The following TBC1D32 variants were observed in gnomAD, a reference collection of about 807,000 sequenced individuals.
TBC1D32 encodes protein broad-minded.
Under a neutral mutation model 170.3 loss-of-function variants are expected in TBC1D32, and 151 were observed. The ratio of observed to expected loss-of-function variants is 0.89; its 90% CI spans 0.78 to 1.01. TBC1D32 has a LOEUF of 1.01. TBC1D32 is among the 50% of genes least tolerant of loss of function. The pLI is 0.00. For synonymous variants in TBC1D32, 498 were observed against 488.0 expected, an observed-to-expected ratio of 1.02 and a Z score of -0.27; for missense variants, 1,464 against 1,457.1, an observed-to-expected ratio of 1.00 and a Z score of -0.08.
At chr6:121,270,838 T>C (rs1801297486) in intron 15 of TBC1D32, among the ~76,000 whole-genome samples, 2 of 152,172 alleles carry the variant, frequency 1.3e-5, no homozygotes, top group South Asian at 4.1e-4. Context: ...ATATTCCTGA[T>C]GAACATCGAT....
chr6:121,149,787 T>G (rs1783971958), intron 24 of TBC1D32, among the ~76,000 whole-genome samples: 1 of 152,212 alleles, frequency 6.6e-6, no homozygotes, highest in Non-Finnish European at 1.5e-5. Context: ...TTTTTAGTTC[T>G]GTGAAGAAAG....
chr6:121,316,572 T>C (rs1056276830), intron 3 of TBC1D32, among the ~76,000 whole-genome samples: 3 of 152,142 alleles, frequency 2.0e-5, no homozygotes, highest in Admixed American at 1.3e-4. Context: ...GGTAATCAAT[T>C]TGACTTGTAA....
chr6:121,159,601 G>C (rs568454534), intron 24 of TBC1D32, among the ~76,000 whole-genome samples: 1 of 151,998 alleles, frequency 6.6e-6, no homozygotes, highest in African/African-American at 2.4e-5. Flanking sequence ...AACCTAGAGG[G>C]TATAGTCTAA....
Position 121,255,325 on chromosome 6 carries a change from T to C in TBC1D32, c.2018+3A>G. The C allele has an allele frequency of 6.5e-7, 1 of 1,541,350 alleles. No individual in the cohort carries two copies. Among genetic ancestry groups the C allele is most frequent in the South Asian group, 1.2e-5 (1 of 81,840 alleles). On this transcript the variant is annotated splice_donor_region_variant and intron_variant, in intron 17 of 31. Transcript: ENST00000398212. ...ATGCATGACTTTCATCAATTGTACT[T>C]ACATGTTTTGGGATTCCTGGCTTAC...
chr6:121,100,944 G>T (rs1353197591), intron 30 of TBC1D32, among the ~76,000 whole-genome samples: 1 of 151,528 alleles, frequency 6.6e-6, no homozygotes, highest in Non-Finnish European at 1.5e-5. Context: ...TACCATCAGA[G>T]AATACTATAA....
chr6:121,088,782 C>A (rs1327665439), intron 31 of TBC1D32, among the ~76,000 whole-genome samples: 1 of 152,102 alleles, frequency 6.6e-6, no homozygotes, highest in Non-Finnish European at 1.5e-5. Context: ...TAATTCCTTG[C>A]CTACATGTTC....
chr6:121,213,368 C>T (rs142259588), intron 21 of TBC1D32, among the ~76,000 whole-genome samples: 4,154 of 151,848 alleles, frequency 0.027, 153 homozygotes, highest in African/African-American at 0.088. Context: ...GATACAAAAT[C>T]AATGCACAAA....
At position 121,161,959 on chromosome 6, in the gene TBC1D32, T is replaced by C. The variant is rs547797026; in HGVS notation, c.2571-903A>G. Reference sequence around the variant, plus strand: ...TGATGTTAAACTTTTTTTCATATGTTTGTTGGCCACATGTATGTCTTCTTT... The same window carrying C: ...TGATGTTAAACTTTTTTTCATATGTCTGTTGGCCACATGTATGTCTTCTTT... On this transcript the variant is annotated intron_variant, in intron 22 of 31. Transcript: ENST00000398212. Among the ~76,000 whole-genome samples the C allele has an allele frequency of 3.9e-5, 6 of 152,354 alleles. No homozygotes were observed. In the East Asian group the frequency reaches 1.2e-3, roughly 29 times the overall value.
At chr6:121,170,455 C>G (rs1786815110) in intron 22 of TBC1D32, 2 of 1,607,702 alleles carry the variant, frequency 1.2e-6, no homozygotes, top group Non-Finnish European at 1.7e-6. Context: ...CATTTAGTAA[C>G]ATTTCAGATA....
At chr6:121,264,985 T>C (rs1800274394) in intron 15 of TBC1D32, among the ~76,000 whole-genome samples, 1 of 152,116 alleles carries the variant, frequency 6.6e-6, no homozygotes, top group Admixed American at 6.5e-5. Flanking sequence ...CTAGAAGCAC[T>C]CCCTTTCAAA....
chr6:121,206,478 C>T (rs529032967), intron 21 of TBC1D32, among the ~76,000 whole-genome samples: 1 of 151,916 alleles, frequency 6.6e-6, no homozygotes, highest in African/African-American at 2.4e-5. Context: ...GGTACAAAGA[C>T]TATTTCATCA....
chr6:121,305,093 G>A (rs1251827926), intron 5 of TBC1D32, among the ~76,000 whole-genome samples: 1 of 152,102 alleles, frequency 6.6e-6, no homozygotes, highest in African/African-American at 2.4e-5. Flanking sequence ...ACATGGTGAG[G>A]AGGGGGTAAG....
intron 24 of TBC1D32, among the ~76,000 whole-genome samples, chr6:121,147,451 C>T (rs1330025072): frequency 6.6e-6 from 1 of 152,052 alleles, no homozygotes; most frequent in Non-Finnish European, 1.5e-5. Flanking sequence ...TGTAAGTGTT[C>T]TCTTTTCTCG....
intron 17 of TBC1D32, among the ~76,000 whole-genome samples, chr6:121,249,729 A>C (rs763361129): frequency 3.3e-5 from 5 of 151,976 alleles, no homozygotes; most frequent in Non-Finnish European, 7.4e-5. Flanking sequence ...GCTAAAAAAC[A>C]AAAACAAAAA....
At chr6:121,159,256 G>A (rs1785297374) in intron 24 of TBC1D32, among the ~76,000 whole-genome samples, 1 of 152,108 alleles carries the variant, frequency 6.6e-6, no homozygotes. Context: ...CATTCTGTAA[G>A]AGTTCATGAC....
intron 22 of TBC1D32, among the ~76,000 whole-genome samples, chr6:121,201,939 C>T (rs934727667): frequency 2.7e-5 from 4 of 150,808 alleles, no homozygotes; most frequent in South Asian, 2.1e-4. Flanking sequence ...ATTAAAGAGA[C>T]GGTTGGGTCA....
chr6:121,253,890 T>G (rs1475870053), intron 17 of TBC1D32, among the ~76,000 whole-genome samples: 1 of 152,066 alleles, frequency 6.6e-6, no homozygotes, highest in African/African-American at 2.4e-5. Flanking sequence ...ACTGGGTATC[T>G]CACTCAAAGG....
chr6:121,123,912 C>T (rs764056502), intron 26 of TBC1D32, among the ~76,000 whole-genome samples: 4 of 151,010 alleles, frequency 2.6e-5, no homozygotes, highest in Admixed American at 1.3e-4. Context: ...CAAAGCCTTC[C>T]TATAGTTATT....
At position 121,317,483 on chromosome 6, in the gene TBC1D32, T is replaced by C. The variant is rs1383636445; in HGVS notation, c.495+12A>G. 7 of 1,544,644 alleles carry C rather than the reference T, an allele frequency of 4.5e-6. No individual in the cohort carries two copies. The highest frequency in any genetic ancestry group is 6.1e-6 in the Non-Finnish European group (7 of 1,146,816). ...GCATTTCAAGACATAAATGCAAAAC[T>C]GAACAACACACCTGATTCAATGATG... On this transcript the variant is annotated intron_variant, in intron 3 of 31. Coordinates refer to ENST00000398212, the MANE Select transcript of TBC1D32 (RefSeq NM_152730.6).
Sources: gnomAD v4.1 joint callset for allele counts (sites outside exome capture counted in the v4.1 genomes callset) on GRCh38, gnomAD v4.1.1 for gene constraint, MANE v1.5 for transcripts, NCBI Gene and HGNC (gene_info 2026-07-23, HGNC 2026-07-21) for gene names.